GRID2: variants seen among roughly 807,000 people sequenced by gnomAD.
GRID2 encodes the protein glutamate receptor ionotropic, delta-2.
In GRID2, 33 loss-of-function variants were observed where a neutral mutation model predicts 114.8. The ratio of observed to expected loss-of-function variants is 0.29; its 90% CI spans 0.22 to 0.38. GRID2 has a LOEUF of 0.38. GRID2 is among the 10% of genes least tolerant of loss of function. The pLI is 1.00. For missense variants in GRID2, 1,184 were observed against 1,257.7 expected (o/e 0.94, Z 0.89); for synonymous variants, 505 against 449.9 (o/e 1.12, Z -1.55).
At chr4:93,258,536 A>G (rs768951913) in intron 8 of GRID2, among the ~76,000 whole-genome samples, 7 of 151,768 alleles carry the variant, frequency 4.6e-5, no homozygotes, top group Middle Eastern at 3.2e-3. Context: ...ATATTATTTC[A>G]AAGACATGTT....
intron 8 of GRID2, among the ~76,000 whole-genome samples, chr4:93,342,926 C>A (rs1288515495): frequency 2.6e-5 from 4 of 152,038 alleles, no homozygotes; most frequent in Non-Finnish European, 4.4e-5. Context: ...TGATGCAAGG[C>A]CCCCGAGGGC....
intron 8 of GRID2, among the ~76,000 whole-genome samples, chr4:93,381,400 A>T (rs1012351166): frequency 6.6e-6 from 1 of 152,132 alleles, no homozygotes; most frequent in Admixed American, 6.6e-5. Context: ...TAGTATTTCT[A>T]TCCTTTGTAA....
At chr4:92,884,994 A>T (rs2149462159) in intron 2 of GRID2, 1 of 291,052 alleles carries the variant, frequency 3.4e-6, no homozygotes, top group Non-Finnish European at 7.0e-6. Flanking sequence ...TATAGGATTA[A>T]TTACTGCTGC....
chr4:92,819,529 T>C (rs1741131797), intron 2 of GRID2, among the ~76,000 whole-genome samples: 2 of 152,160 alleles, frequency 1.3e-5, no homozygotes, highest in African/African-American at 4.8e-5. Context: ...ACTAAACTTC[T>C]TGAAATCTCT....
intron 1 of GRID2, among the ~76,000 whole-genome samples, chr4:92,478,040 G>A (rs1367978708): frequency 6.6e-6 from 1 of 151,514 alleles, no homozygotes; most frequent in African/African-American, 2.4e-5. Context: ...TGAGGAAACG[G>A]CCTAGAAATT....
intron 8 of GRID2, among the ~76,000 whole-genome samples, chr4:93,367,080 G>C (rs925058415): frequency 3.3e-5 from 5 of 152,048 alleles, no homozygotes; most frequent in Non-Finnish European, 7.4e-5. Context: ...ATACATAGAT[G>C]AAATGTATGC....
At chr4:93,283,926 A>G (rs986444455) in intron 8 of GRID2, among the ~76,000 whole-genome samples, 2 of 152,068 alleles carry the variant, frequency 1.3e-5, no homozygotes, top group Admixed American at 6.6e-5. Context: ...CTCAATCTCT[A>G]TAATATTGTG....
chr4:92,895,749 T>A (rs1278419929), intron 2 of GRID2, among the ~76,000 whole-genome samples: 1 of 152,084 alleles, frequency 6.6e-6, no homozygotes, highest in East Asian at 1.9e-4. Flanking sequence ...TTATATAAAT[T>A]TCCTGTAAAG....
At chr4:93,453,316 AAG>A (rs3044025) in intron 10 of GRID2, among the ~76,000 whole-genome samples, 4,084 of 127,038 alleles carry the variant, frequency 0.032, 43 homozygotes, top group African/African-American at 0.042. Context: ...AGAGATGGGA[AAG>A]AGAGAGAGAG....
chr4:93,136,625 G>T (rs1249563885), intron 4 of GRID2, among the ~76,000 whole-genome samples: 1 of 152,096 alleles, frequency 6.6e-6, no homozygotes, highest in Admixed American at 6.6e-5. Flanking sequence ...TCAATAAATT[G>T]TATATAAATG....
chr4:92,544,473 A>C (rs562338676), intron 1 of GRID2, among the ~76,000 whole-genome samples: 25 of 152,200 alleles, frequency 1.6e-4, no homozygotes, highest in African/African-American at 5.8e-4. Flanking sequence ...GCATTTATAT[A>C]CTCAAGTATA....
At chr4:93,427,109 G>A (rs1768928016) in intron 10 of GRID2, among the ~76,000 whole-genome samples, 1 of 151,968 alleles carries the variant, frequency 6.6e-6, no homozygotes, top group Admixed American at 6.6e-5. Context: ...TCCCTTAACT[G>A]TATTCTGACT....
chr4:93,689,396 G>A (rs1560909494), intron 14 of GRID2, among the ~76,000 whole-genome samples: 1 of 152,006 alleles, frequency 6.6e-6, no homozygotes, highest in Non-Finnish European at 1.5e-5. Flanking sequence ...AAATAATTCA[G>A]TTGTGCCAAA....
At chr4:93,211,688 T>A (rs1382084895) in intron 5 of GRID2, among the ~76,000 whole-genome samples, 1 of 152,120 alleles carries the variant, frequency 6.6e-6, no homozygotes, top group East Asian at 1.9e-4. Flanking sequence ...CCAGCAGAGG[T>A]ATAATTTCTT....
chr4:93,096,088 G>A (rs4376113), intron 3 of GRID2, among the ~76,000 whole-genome samples: 71,037 of 151,656 alleles, frequency 0.47, 17,705 homozygotes, highest in African/African-American at 0.6. Context: ...GGGGTTGATT[G>A]TTAACCAACA....
chr4:92,812,792 C>T (rs749336869), intron 2 of GRID2, among the ~76,000 whole-genome samples: 3 of 152,090 alleles, frequency 2.0e-5, no homozygotes, highest in Non-Finnish European at 4.4e-5. Flanking sequence ...CCATTCAGTC[C>T]AATAACTCGT....
intron 1 of GRID2, among the ~76,000 whole-genome samples, chr4:92,584,095 A>G (rs976894743): frequency 3.3e-5 from 5 of 151,872 alleles, no homozygotes; most frequent in African/African-American, 1.2e-4. Flanking sequence ...TGGTCATAAT[A>G]CTGCTAATTT....
chr4:93,552,543 T>G (rs1403731808), intron 13 of GRID2, among the ~76,000 whole-genome samples: 1 of 152,188 alleles, frequency 6.6e-6, no homozygotes, highest in Non-Finnish European at 1.5e-5. Flanking sequence ...CAGCACCTGT[T>G]GTTTCCTGAC....
At chr4:93,446,543 G>C (rs1722109424) in intron 10 of GRID2, among the ~76,000 whole-genome samples, 1 of 152,040 alleles carries the variant, frequency 6.6e-6, no homozygotes, top group South Asian at 2.1e-4. Context: ...AGGTATAAAA[G>C]TAAAGTTGGG....
Sources: allele counts gnomAD v4.1 joint callset (sites outside exome capture counted in the v4.1 genomes callset), GRCh38; gene constraint gnomAD v4.1.1; transcripts MANE v1.5; gene names NCBI Gene and HGNC (gene_info 2026-07-23, HGNC 2026-07-21).